The following SCAF11 variants were observed in gnomAD, a reference collection of about 807,000 sequenced individuals.
The protein encoded by SCAF11 is protein SCAF11.
A neutral mutation model predicts 140.5 loss-of-function variants in SCAF11; 47 were observed. The observed-to-expected ratio is 0.33, with a 90% CI of 0.26 to 0.43. SCAF11 has a LOEUF of 0.43. SCAF11 is among the 20% of genes least tolerant of loss of function. SCAF11 has a pLI of 1.00. For synonymous variants in SCAF11, 557 were observed against 579.4 expected (o/e 0.96, Z 0.55); for missense variants, 1,645 against 1,705.1 (o/e 0.96, Z 0.62).
intron 1 of SCAF11, among the ~76,000 whole-genome samples, chr12:45,977,100 C>G (rs1456336958): frequency 6.6e-6 from 1 of 152,048 alleles, no homozygotes; most frequent in Non-Finnish European, 1.5e-5. Flanking sequence ...TCAACACAAT[C>G]TCTTCCAGAA....
intron 1 of SCAF11, among the ~76,000 whole-genome samples, chr12:45,977,695 G>A (rs1391158242): frequency 6.6e-6 from 1 of 152,072 alleles, no homozygotes; most frequent in African/African-American, 2.4e-5. Context: ...CATAGTTTCA[G>A]TTGTTCCAAT....
intron 5 of SCAF11, among the ~76,000 whole-genome samples, chr12:45,945,537 T>TC (rs71437738): frequency 1.0e-5 from 1 of 98,058 alleles, no homozygotes; most frequent in Non-Finnish European, 1.9e-5. Context: ...TATCTCAGTC[T>TC]TTTTTTTTTT....
At chr12:45,960,080 A>C (rs1354253456) in intron 3 of SCAF11, among the ~76,000 whole-genome samples, 2 of 152,310 alleles carry the variant, frequency 1.3e-5, no homozygotes, top group East Asian at 3.9e-4. Context: ...AAGAGTTAAA[A>C]ATATAGACAA....
intron 1 of SCAF11, among the ~76,000 whole-genome samples, chr12:45,969,122 A>T (rs1422014419): frequency 2.0e-5 from 3 of 152,334 alleles, no homozygotes; most frequent in South Asian, 4.1e-4. Context: ...ACAGCTATTT[A>T]AAAATATATT....
intron 6 of SCAF11, among the ~76,000 whole-genome samples, chr12:45,942,021 T>C (rs547255628): frequency 6.6e-6 from 1 of 152,324 alleles, no homozygotes; most frequent in African/African-American, 2.4e-5. Flanking sequence ...GAACAGTAAA[T>C]GTATTTTCTC....
At chr12:45,967,756 T>C (rs1348945927) in intron 1 of SCAF11, among the ~76,000 whole-genome samples, 1 of 152,268 alleles carries the variant, frequency 6.6e-6, no homozygotes, top group African/African-American at 2.4e-5. Flanking sequence ...TGAAAATGAT[T>C]ATGCCATGTT....
chr12:45,929,614 T>A (rs1175017656), intron 10 of SCAF11: 2 of 152,228 alleles, frequency 1.3e-5, no homozygotes, highest in African/African-American at 4.8e-5. Context: ...AGGAGACTTC[T>A]AATCAGTTCC....
intron 6 of SCAF11, among the ~76,000 whole-genome samples, chr12:45,936,433 C>T (rs112659872): frequency 1.5e-3 from 229 of 152,212 alleles, no homozygotes; most frequent in African/African-American, 5.2e-3. Flanking sequence ...TGAGCCACCA[C>T]GCCCAGCCAG....
At chr12:45,929,725 T>C (rs1239614500) in intron 10 of SCAF11, 3 of 152,216 alleles carry the variant, frequency 2.0e-5, no homozygotes, top group African/African-American at 4.8e-5. Flanking sequence ...GTGTTTCTCA[T>C]GTACAACATG....
chr12:45,958,973 G>A (rs568853170), intron 3 of SCAF11, among the ~76,000 whole-genome samples: 1 of 152,154 alleles, frequency 6.6e-6, no homozygotes, highest in Non-Finnish European at 1.5e-5. Context: ...TTAAGAATGT[G>A]TTCAATGCCT....
intron 6 of SCAF11, among the ~76,000 whole-genome samples, chr12:45,938,167 TCTTTGTGGCTTAAA>T (rs966630547): frequency 2.6e-5 from 4 of 152,152 alleles, no homozygotes; most frequent in Admixed American, 6.5e-5. Flanking sequence ...AGCTTTCTTG[TCTTTGTGGCTTAAA>T]CTTTGTGGCT....
At chr12:45,961,576 G>A (rs1945831137) in intron 3 of SCAF11, 124 bp downstream of exon 3, 2 of 804,788 alleles carry the variant, frequency 2.5e-6, no homozygotes, top group Non-Finnish European at 3.8e-6. Flanking sequence ...ATAATACAAG[G>A]AAATTTGTCC....
intron 6 of SCAF11, among the ~76,000 whole-genome samples, chr12:45,938,371 C>G (rs573109108): frequency 6.6e-6 from 1 of 152,180 alleles, no homozygotes; most frequent in South Asian, 2.1e-4. Flanking sequence ...CACCTGTAAT[C>G]CCAGCTACTC....
At chr12:45,967,210 A>G (rs912757281) in intron 1 of SCAF11, among the ~76,000 whole-genome samples, 35 of 151,662 alleles carry the variant, frequency 2.3e-4, no homozygotes, top group African/African-American at 8.2e-4. Flanking sequence ...GCAACACAGC[A>G]AGACCCTGTT....
chr12:45,949,087 G>A (rs1244323651), intron 4 of SCAF11, among the ~76,000 whole-genome samples: 1 of 152,206 alleles, frequency 6.6e-6, no homozygotes, highest in Non-Finnish European at 1.5e-5. Flanking sequence ...AAGTGAATGC[G>A]ATGATCAAAT....
At chr12:45,970,901 CAAAA>C (rs1946056956) in intron 1 of SCAF11, among the ~76,000 whole-genome samples, 1 of 152,142 alleles carries the variant, frequency 6.6e-6, no homozygotes, top group Admixed American at 6.5e-5. Flanking sequence ...AAGCGAGTGC[CAAAA>C]TAATCCATAA....
At chr12:45,977,548 A>T (rs1442780953) in intron 1 of SCAF11, among the ~76,000 whole-genome samples, 1 of 152,138 alleles carries the variant, frequency 6.6e-6, no homozygotes, top group Admixed American at 6.5e-5. Flanking sequence ...ACACCTCAAA[A>T]AGCTCAATTT....
At chr12:45,955,011 C>G (rs1216588013) in intron 3 of SCAF11, 1 of 150,792 alleles carries the variant, frequency 6.6e-6, no homozygotes, top group East Asian at 1.9e-4. Context: ...ACTGGTATTA[C>G]AAAAACACAA....
At chr12:45,962,255 ATTCCT>A (rs1474704764) in intron 2 of SCAF11, among the ~76,000 whole-genome samples, 2 of 152,144 alleles carry the variant, frequency 1.3e-5, no homozygotes, top group African/African-American at 4.8e-5. Flanking sequence ...ACTCTTCCAC[ATTCCT>A]TTCTTTACAC....
Sources: allele counts gnomAD v4.1 joint callset (sites outside exome capture counted in the v4.1 genomes callset), GRCh38; gene constraint gnomAD v4.1.1; transcripts MANE v1.5; gene names NCBI Gene and HGNC (gene_info 2026-07-23, HGNC 2026-07-21).